Variants in CNTN6 observed in about 807,000 individuals in gnomAD.
The protein encoded by CNTN6 is contactin-6.
CNTN6 carries 137 observed loss-of-function variants against 122.8 expected under a neutral mutation model. The ratio of observed to expected loss-of-function variants is 1.12; its 90% CI spans 0.97 to 1.29. The LOEUF (loss-of-function observed/expected upper bound fraction) is 1.29. CNTN6 is among the 50% of genes most tolerant of loss of function. The pLI is 0.00. For synonymous variants in CNTN6, 570 were observed against 426.0 expected (o/e 1.34, Z -4.16); for missense variants, 1,634 against 1,223.4 (o/e 1.34, Z -5.01).
At chr3:1,347,541 C>T (rs1420273080) in intron 11 of CNTN6, among the ~76,000 whole-genome samples, 1 of 152,008 alleles carries the variant, frequency 6.6e-6, no homozygotes, top group Non-Finnish European at 1.5e-5. Flanking sequence ...GGACTGATAA[C>T]CAGAGCTTAG....
chr3:1,376,525 A>T (rs946282667), intron 16 of CNTN6, among the ~76,000 whole-genome samples: 5 of 152,204 alleles, frequency 3.3e-5, no homozygotes, highest in Admixed American at 6.6e-5. Context: ...TTTTAAAACA[A>T]GAATATTTAT....
At chr3:1,205,346 C>T (rs1435887587) in intron 2 of CNTN6, among the ~76,000 whole-genome samples, 1 of 152,122 alleles carries the variant, frequency 6.6e-6, no homozygotes, top group Non-Finnish European at 1.5e-5. Flanking sequence ...TAATTTGTTA[C>T]GGCAACAATA....
chr3:1,227,844 A>G lies in CNTN6; in HGVS notation c.209A>G (p.Asp70Gly), dbSNP rs2094303970. The G allele has an allele frequency of 6.2e-7, 1 of 1,613,370 alleles. No homozygotes were observed. Among genetic ancestry groups the G allele is most frequent in the Non-Finnish European group, 8.5e-7 (1 of 1,179,850 alleles). The change falls in exon 4 of 23, where the codon GAT becomes GGT. Residue 70 changes from aspartate to glycine, a missense_variant. Asp to Gly is a moderately conservative substitution (Grantham distance 94). Coordinates refer to ENST00000446702, the MANE Select transcript of CNTN6 (RefSeq NM_001289080.2). Reference protein sequence around the residue: ...YRWKQNGTDIDFTMSYHYRLD... With the variant: ...YRWKQNGTDIGFTMSYHYRLD... ...TGGAAGCAAAATGGCACAGACATTG[A>G]TTTTACTATGAGTTATCACTACAGG...
chr3:1,253,534 T>C (rs749449346), intron 4 of CNTN6, among the ~76,000 whole-genome samples: 2 of 152,184 alleles, frequency 1.3e-5, no homozygotes, highest in Non-Finnish European at 2.9e-5. Context: ...TGACATCGTT[T>C]TCAACTGATT....
chr3:1,215,018 C>G (rs1559528187), intron 2 of CNTN6, among the ~76,000 whole-genome samples: 2 of 152,202 alleles, frequency 1.3e-5, no homozygotes, highest in African/African-American at 2.4e-5. Context: ...CTTGATCTCT[C>G]AAAGTGCAGG....
In CNTN6 at chr3:1,374,004, G is replaced by A; in HGVS notation, c.2026G>A (p.Val676Ile). ...SPWVEYEFRV[V>I]AGNSIGIGEP... is the part of the protein sequence containing the mutation. ...TTGGGTGGAATATGAATTTCGTGTT[G>A]TTGCCGGCAACAGCATTGGGATTGG... The change falls in exon 16 of 23, where the codon GTT becomes ATT. Residue 676 changes from valine (V) to isoleucine (I), a missense_variant. Physicochemically the swap from Val to Ile is conservative, Grantham distance 29. Transcript: ENST00000446702. The A allele has an allele frequency of 6.2e-7, 1 of 1,613,260 alleles. No homozygotes were observed. The highest frequency in any genetic ancestry group is 8.5e-7 in the Non-Finnish European group (1 of 1,179,436).
At chr3:1,386,188 GT>G (rs760766897) in intron 20 of CNTN6, among the ~76,000 whole-genome samples, 17 of 152,064 alleles carry the variant, frequency 1.1e-4, no homozygotes, top group Non-Finnish European at 1.9e-4. Context: ...GTTTTCATAG[GT>G]TTTGTTCAAG....
At chr3:1,098,789 C>CACATATATATATATATAT (rs1211008614) in intron 1 of CNTN6, among the ~76,000 whole-genome samples, 67 of 63,228 alleles carry the variant, frequency 1.1e-3, no homozygotes, top group Middle Eastern at 8.5e-3. Flanking sequence ...CACACACACA[C>CACATATATATATATATAT]ATATATATAT....
At chr3:1,302,488 AAGAG>A (rs1000526962) in intron 7 of CNTN6, among the ~76,000 whole-genome samples, 16 of 152,210 alleles carry the variant, frequency 1.1e-4, no homozygotes, top group Non-Finnish European at 1.2e-4. Flanking sequence ...AGATGGGGGA[AAGAG>A]AGAGAGAAGA....
chr3:1,266,488 TCTTG>T (rs1453874440), intron 4 of CNTN6, among the ~76,000 whole-genome samples: 2 of 152,204 alleles, frequency 1.3e-5, no homozygotes, highest in Non-Finnish European at 2.9e-5. Context: ...AAAAAAATGT[TCTTG>T]CTTCACGCTT....
At chr3:1,266,575 T>C (rs1005076126) in intron 4 of CNTN6, among the ~76,000 whole-genome samples, 5 of 152,200 alleles carry the variant, frequency 3.3e-5, no homozygotes, top group Admixed American at 2.0e-4. Flanking sequence ...CGGCCTTTTG[T>C]ATTTTACATA....
At chr3:1,096,253 T>TTGTG (rs763508099) in intron 1 of CNTN6, among the ~76,000 whole-genome samples, 2 of 150,908 alleles carry the variant, frequency 1.3e-5, no homozygotes, top group Admixed American at 6.6e-5. Flanking sequence ...GATTCTTTTG[T>TTGTG]TGTGTGTGTG....
At chr3:1,111,922 A>G (rs2091499032) in intron 1 of CNTN6, among the ~76,000 whole-genome samples, 1 of 152,082 alleles carries the variant, frequency 6.6e-6, no homozygotes, top group African/African-American at 2.4e-5. Context: ...TCTAATATAT[A>G]CATATTATAT....
At chr3:1,388,052 A>G (rs1283329185) in intron 20 of CNTN6, among the ~76,000 whole-genome samples, 1 of 148,568 alleles carries the variant, frequency 6.7e-6, no homozygotes, top group Non-Finnish European at 1.5e-5. Context: ...AACTGGGTGG[A>G]GCCCACCACA....
At chr3:1,300,545 GA>G (rs1323077942) in intron 7 of CNTN6, among the ~76,000 whole-genome samples, 24 of 126,510 alleles carry the variant, frequency 1.9e-4, no homozygotes, top group Non-Finnish European at 3.9e-4. Context: ...GAGAGAGAAA[GA>G]AAGAGAAAGA....
intron 4 of CNTN6, among the ~76,000 whole-genome samples, chr3:1,262,505 CT>C (rs2094862036): frequency 6.6e-6 from 1 of 152,074 alleles, no homozygotes; most frequent in African/African-American, 2.4e-5. Flanking sequence ...TCTCTTGATC[CT>C]TTTTAACTCC....
rs558185629 is a variant in CNTN6 at position 1,243,251 on chromosome 3, C to T, written c.358+15258C>T. On this transcript the variant is annotated intron_variant, in intron 4 of 22. Coordinates refer to ENST00000446702, the MANE Select transcript of CNTN6 (RefSeq NM_001289080.2). ...CTGCGGGCATTCCTTGGCCTGGTGG[C>T]CAGATTTCTGGCACTTGTAGCAAGC... Among the ~76,000 whole-genome samples, 1,186 of 152,124 alleles carry T rather than the reference C, an allele frequency of 7.8e-3. 16 individuals are homozygous for T. The highest frequency in any genetic ancestry group is 0.026 in the African/African-American group (1,080 of 41,404).
At chr3:1,211,780 C>A (rs1219038088) in intron 2 of CNTN6, among the ~76,000 whole-genome samples, 1 of 152,044 alleles carries the variant, frequency 6.6e-6, no homozygotes, top group Non-Finnish European at 1.5e-5. Context: ...CTCAAGCAAC[C>A]AGCAGAGACT....
chr3:1,242,785 G>C (rs898093572), intron 4 of CNTN6, among the ~76,000 whole-genome samples: 3 of 152,128 alleles, frequency 2.0e-5, no homozygotes, highest in Admixed American at 2.0e-4. Flanking sequence ...GGCCTAATAA[G>C]GGAACTGGGC....
Sources: allele counts gnomAD v4.1 joint callset (sites outside exome capture counted in the v4.1 genomes callset), GRCh38; gene constraint gnomAD v4.1.1; transcripts MANE v1.5; gene names NCBI Gene and HGNC (gene_info 2026-07-23, HGNC 2026-07-21).